PRICKLE1: variants seen among roughly 807,000 people sequenced by gnomAD.
PRICKLE1 encodes the protein prickle-like protein 1.
In PRICKLE1, 14 loss-of-function variants were observed where a neutral mutation model predicts 70.2. The ratio of observed to expected loss-of-function variants is 0.20; its 90% CI spans 0.13 to 0.31. PRICKLE1 has a LOEUF of 0.31. PRICKLE1 is among the 10% of genes least tolerant of loss of function. PRICKLE1 has a pLI of 1.00. For synonymous variants in PRICKLE1, 357 were observed against 379.9 expected (o/e 0.94, Z 0.70); for missense variants, 821 against 1,026.2 (o/e 0.80, Z 2.73).
intron 1 of PRICKLE1, among the ~76,000 whole-genome samples, chr12:42,585,520 G>T (rs1592048315): frequency 1.3e-5 from 2 of 152,126 alleles, no homozygotes; most frequent in East Asian, 3.9e-4. Flanking sequence ...TGGACCAGTG[G>T]CTCAGGAATG....
At chr12:42,508,214 G>A (rs542870563) in intron 1 of PRICKLE1, among the ~76,000 whole-genome samples, 1 of 152,304 alleles carries the variant, frequency 6.6e-6, no homozygotes, top group African/African-American at 2.4e-5. Context: ...CTTAGACTAA[G>A]TATTTTTTAT....
chr12:42,558,227 A>G (rs577526024), intron 1 of PRICKLE1, among the ~76,000 whole-genome samples: 7 of 152,334 alleles, frequency 4.6e-5, no homozygotes, highest in South Asian at 2.1e-4. Flanking sequence ...ATATTCTCAT[A>G]TAAGAAATAT....
At chr12:42,510,808 C>A (rs1370771057) in intron 1 of PRICKLE1, among the ~76,000 whole-genome samples, 1 of 152,090 alleles carries the variant, frequency 6.6e-6, no homozygotes, top group Non-Finnish European at 1.5e-5. Flanking sequence ...ATGTATGTGC[C>A]TAGTAAGGAC....
chr12:42,491,144 G>A (rs973727046), intron 1 of PRICKLE1, among the ~76,000 whole-genome samples: 6 of 150,862 alleles, frequency 4.0e-5, no homozygotes, highest in Non-Finnish European at 4.4e-5. Flanking sequence ...CAAAGTGCTG[G>A]GATTACAGTT....
At chr12:42,516,154 CAG>C (rs1219974425) in intron 1 of PRICKLE1, among the ~76,000 whole-genome samples, 4 of 151,650 alleles carry the variant, frequency 2.6e-5, no homozygotes, top group Admixed American at 2.0e-4. Context: ...TTTTTTGAGA[CAG>C]AGTCTCGCTC....
intron 1 of PRICKLE1, among the ~76,000 whole-genome samples, chr12:42,561,561 C>T (rs1940513008): frequency 6.6e-6 from 1 of 152,150 alleles, no homozygotes; most frequent in South Asian, 2.1e-4. Context: ...TAATTCTGTT[C>T]AAATTTAAAG....
chr12:42,464,802 T>C lies in PRICKLE1; in HGVS notation c.1232A>G (p.His411Arg), dbSNP rs1449357649. The C allele has an allele frequency of 5.0e-6, 8 of 1,614,124 alleles. No individual in the cohort carries two copies. Among genetic ancestry groups the C allele is most frequent in the Admixed American group, 1.7e-5 (1 of 60,012 alleles). Residue 411 changes from histidine (H) to arginine (R), a missense_variant, in exon 7 of 8, where the codon CAT becomes CGT. Physicochemically the swap from His to Arg is conservative, Grantham distance 29. Coordinates refer to ENST00000345127, the MANE Select transcript of PRICKLE1 (RefSeq NM_153026.3). The surrounding 1 kb of genome is among the most constrained non-coding windows in gnomAD (Gnocchi z 4.2). ...GAGGAGCTGCGTCATATAATCTTCA[T>C]GATCAGCCCATTCTTCAGGGTCTTC... ...TPEDPEEWAD[H>R]EDYMTQLLLK...
At chr12:42,588,614 G>A (rs751310202) in intron 1 of PRICKLE1, among the ~76,000 whole-genome samples, 2 of 151,868 alleles carry the variant, frequency 1.3e-5, no homozygotes, top group East Asian at 3.9e-4. Context: ...AACCAAACGC[G>A]TTCGGCTTGT....
intron 1 of PRICKLE1, among the ~76,000 whole-genome samples, chr12:42,503,222 C>T (rs11181529): frequency 1.3e-5 from 2 of 152,306 alleles, no homozygotes; most frequent in African/African-American, 4.8e-5. Flanking sequence ...CAATCTATAT[C>T]TGGGCTCCTG....
At chr12:42,549,629 C>T (rs1025783287) in intron 1 of PRICKLE1, among the ~76,000 whole-genome samples, 1 of 152,082 alleles carries the variant, frequency 6.6e-6, no homozygotes, top group Non-Finnish European at 1.5e-5. Context: ...CCCCATAGAC[C>T]CTTCCCTCTC....
chr12:42,464,274 G>A lies in PRICKLE1; in HGVS notation c.1639+121C>T. 8.1e-7 allele frequency: 1 copy of A among 1,238,968 alleles called. No homozygotes were observed. The highest frequency in any genetic ancestry group is 1.2e-6 in the Non-Finnish European group (1 of 847,768). The allele number at this position is 1,238,968 out of a possible 1,614,324, so 76.7% of individuals were successfully genotyped here. A position where few individuals can be genotyped will look rare whatever the true frequency, so the allele number is the denominator to read the frequency against. ...GACCTCAAATGATCTGCCCACCTCA[G>A]CCTCCCATAGTGCTGGAATTATAGG... On this transcript the variant is annotated intron_variant, in intron 7 of 7. Coordinates refer to ENST00000345127, the MANE Select transcript of PRICKLE1 (RefSeq NM_153026.3). This position sits in a 1 kb window ranked among gnomAD's most constrained non-coding sequence, Gnocchi z 4.2.
intron 1 of PRICKLE1, among the ~76,000 whole-genome samples, chr12:42,527,918 T>A (rs10523821): frequency 0.014 from 39 of 2,718 alleles, 5 homozygotes; most frequent in South Asian, 0.043. Context: ...CTCTTTATAA[T>A]ATATATATAT....
At chr12:42,526,207 A>C (rs1939795883) in intron 1 of PRICKLE1, among the ~76,000 whole-genome samples, 1 of 151,914 alleles carries the variant, frequency 6.6e-6, no homozygotes, top group Non-Finnish European at 1.5e-5. Context: ...ATTTCTTGGC[A>C]CTTTTCTAGA....
chr12:42,464,910 A>G lies in PRICKLE1; in HGVS notation c.1124T>C (p.Leu375Ser), dbSNP rs1239638305. 1 of 1,614,106 alleles carries G rather than the reference A, an allele frequency of 6.2e-7. No individual in the cohort carries two copies. Among genetic ancestry groups the G allele is most frequent in the East Asian group, 2.2e-5 (1 of 44,878 alleles). ...GNADDTLSRK[L>S]DDLSLSRQGT... ...TTGTCTGGAGAGACTCAGATCATCC[A>G]ATTTTCGAGAAAGGGTGTCATCAGC... Residue 375 changes from leucine to serine, a missense_variant, in exon 7 of 8, where the codon TTG (leucine) becomes TCG (serine). Leu to Ser is a moderately radical substitution (Grantham distance 145). Coordinates refer to ENST00000345127, the MANE Select transcript of PRICKLE1 (RefSeq NM_153026.3). This position sits in a 1 kb window ranked among gnomAD's most constrained non-coding sequence, Gnocchi z 4.2.
At chr12:42,501,142 G>A (rs1270173789) in intron 1 of PRICKLE1, among the ~76,000 whole-genome samples, 1 of 152,126 alleles carries the variant, frequency 6.6e-6, no homozygotes, top group African/African-American at 2.4e-5. Context: ...CAGTCTAAAG[G>A]TTTTTTGAAA....
intron 1 of PRICKLE1, among the ~76,000 whole-genome samples, chr12:42,583,461 G>GAGTT (rs1940937499): frequency 6.6e-6 from 1 of 152,114 alleles, no homozygotes; most frequent in African/African-American, 2.4e-5. Flanking sequence ...GCATCTTTTG[G>GAGTT]TGGGCTATTC....
intron 1 of PRICKLE1, among the ~76,000 whole-genome samples, chr12:42,577,414 A>T (rs1940821321): frequency 6.6e-6 from 1 of 152,144 alleles, no homozygotes; most frequent in African/African-American, 2.4e-5. Context: ...GCTATTGTTG[A>T]ATTTTAACTG....
At chr12:42,489,106 A>G (rs535912914) in intron 1 of PRICKLE1, among the ~76,000 whole-genome samples, 2 of 150,900 alleles carry the variant, frequency 1.3e-5, no homozygotes, top group South Asian at 4.2e-4. Flanking sequence ...TATTTTTAGT[A>G]GAGATGGGGT....
chr12:42,550,777 G>A (rs1184489979), intron 1 of PRICKLE1, among the ~76,000 whole-genome samples: 8 of 152,164 alleles, frequency 5.3e-5, no homozygotes, highest in Non-Finnish European at 8.8e-5. Context: ...GAGAACGCTC[G>A]AAGTTACTTT....
Sources: allele counts gnomAD v4.1 joint callset (sites outside exome capture counted in the v4.1 genomes callset), GRCh38; gene constraint gnomAD v4.1.1; non-coding constraint Gnocchi (gnomAD v3.1); transcripts MANE v1.5; gene names NCBI Gene and HGNC (gene_info 2026-07-23, HGNC 2026-07-21).